Variants in MYO15A observed in about 807,000 individuals in gnomAD.
MYO15A encodes the protein myosin XVA.
In MYO15A, 308 loss-of-function variants were observed where a neutral mutation model predicts 394.6. The ratio of observed to expected loss-of-function variants is 0.78; its 90% CI spans 0.71 to 0.86. The LOEUF is 0.86. Ranked by LOEUF, MYO15A falls within the 40% of genes least tolerant of loss-of-function variation. The probability of loss-of-function intolerance (pLI) is 0.00; values close to 1 mark genes in which losing one functional copy is unlikely to be tolerated. For synonymous variants in MYO15A, 1,957 were observed against 2,003.8 expected (o/e 0.98, Z 0.62); for missense variants, 4,606 against 4,799.1 (o/e 0.96, Z 1.19).
chr17:18,166,456 C>T lies in MYO15A; in HGVS notation c.9883C>T (p.Arg3295Cys), dbSNP rs775389608. The T allele has an allele frequency of 3.1e-6, 5 of 1,614,046 alleles. No homozygotes were observed. Among genetic ancestry groups the T allele is most frequent in the African/African-American group, 1.3e-5 (1 of 75,052 alleles). Residue 3295 changes from arginine (R) to cysteine (C), a missense_variant, in exon 61 of 66, where the codon CGT becomes TGT. Around this residue, in one of 2 missense-constraint regions of MYO15A, gnomAD observed 2,776 missense variants for 3,109.3 expected, o/e 0.89. Transcript: ENST00000647165. The stretch of plus-strand genomic sequence containing the variant: ...CGGCGGCTACATGCTCTGGTTCCGG[C>T]GTGTGCTCTGGGATCAGCCACTCAA... ...VDGGYMLWFR[R>C]VLWDQPLKFE...
At chr17:18,162,042 A>G (rs2046784503) in intron 57 of MYO15A, among the ~76,000 whole-genome samples, 1 of 152,292 alleles carries the variant, frequency 6.6e-6, no homozygotes, top group Non-Finnish European at 1.5e-5. Context: ...CTCTGATTCA[A>G]TTAACAAACA....
Position 18,157,818 on chromosome 17 carries a change from A to G in MYO15A, c.8885A>G (p.Glu2962Gly). The G allele has an allele frequency of 1.9e-6, 3 of 1,596,600 alleles. No individual in the cohort carries two copies. The change falls in exon 51 of 66, where the codon GAG becomes GGG. Residue 2962 changes from glutamate (E) to glycine (G), a missense_variant. Glu to Gly is a moderately conservative substitution (Grantham distance 98). Coordinates refer to ENST00000647165, the MANE Select transcript of MYO15A (RefSeq NM_016239.4). ...CCCGACTTCCTGCAGCTGCCAACGG[A>G]GCCAGGCCGCGGCCGAGCAGCCGCC... ...AAPDFLQLPT[E>G]PGRGRAAAVA...
At position 18,120,297 on chromosome 17, in the gene MYO15A, C is replaced by T. The variant is rs905647383; in HGVS notation, c.1497C>T (p.Pro499=). ...AGAAGCTGGAGGTGCCCCTGCCACC[C>T]TCTCTGGACATTCCTCTCCCCTTGG... ...GKEKLEVPLP[P]SLDIPLPLGD... is the part of the protein sequence containing the mutation. Residue 499 remains proline, a synonymous_variant, in exon 2 of 66, where the codon CCC becomes CCT. Transcript: ENST00000647165. 2 of 1,611,966 alleles carry T rather than the reference C, an allele frequency of 1.2e-6. No individual in the cohort carries two copies. Among genetic ancestry groups the T allele is most frequent in the Non-Finnish European group, 1.7e-6 (2 of 1,179,940 alleles).
In MYO15A at chr17:18,154,648, T is replaced by C. The variant is rs772788251; in HGVS notation, c.8149-32T>C. ...CTGGGTCCCAGCTGGGGGAGTCCCA[T>C]GTGCTGCCTGCATCACAGCCTGTTC... is the stretch of plus-strand genomic sequence containing the variant. On this transcript the variant is annotated intron_variant, in intron 44 of 65. Coordinates refer to ENST00000647165, the MANE Select transcript of MYO15A (RefSeq NM_016239.4). The C allele has an allele frequency of 6.2e-6, 10 of 1,610,242 alleles. No individual in the cohort carries two copies. In the Admixed American group the frequency reaches 6.7e-5, roughly 11 times the overall value.
In MYO15A at chr17:18,121,355, G is replaced by A; in HGVS notation, c.2555G>A (p.Gly852Glu). The A allele has an allele frequency of 1.4e-6, 2 of 1,462,748 alleles. No individual in the cohort carries two copies. The highest frequency in any genetic ancestry group is 1.8e-6 in the Non-Finnish European group (2 of 1,114,066). The allele number at this position is 1,462,748 out of a possible 1,614,324, so 90.6% of individuals were successfully genotyped here. The change falls in exon 2 of 66, where the codon GGG (glycine) becomes GAG (glutamate). Residue 852 changes from glycine to glutamate, a missense_variant. Coordinates refer to ENST00000647165, the MANE Select transcript of MYO15A (RefSeq NM_016239.4). This position sits in a 1 kb window ranked among gnomAD's most constrained non-coding sequence, Gnocchi z 5.3. ...CCCAGGCCGCCCTCGCCGCCCCTGG[G>A]GCTCTGCCACAGCCCGCGGCGCAGC... ...GSPRPPSPPLGLCHSPRRSSL... is the reference protein window; with the variant it reads ...GSPRPPSPPLELCHSPRRSSL...
chr17:18,153,739 G>A lies in MYO15A; in HGVS notation c.7967-36G>A. On this transcript the variant is annotated intron_variant, in intron 42 of 65. Coordinates refer to ENST00000647165, the MANE Select transcript of MYO15A (RefSeq NM_016239.4). The surrounding 1 kb of genome is among the most constrained non-coding windows in gnomAD (Gnocchi z 4.1). ...TATTAATTAAATAAAAAAACGAGGT[G>A]CCTTCTCCTGACTCCCTGATCCCCG... The A allele has an allele frequency of 6.2e-7, 1 of 1,609,786 alleles. No individual in the cohort carries two copies.
In MYO15A at chr17:18,132,421, C is replaced by T. The variant is rs2046183741; in HGVS notation, c.4207-32C>T. The T allele has an allele frequency of 2.5e-6, 4 of 1,579,262 alleles. No individual in the cohort carries two copies. Among genetic ancestry groups the T allele is most frequent in the Non-Finnish European group, 3.5e-6 (4 of 1,149,130 alleles). ...CTGGGGGTCACCTAGGTAGGTGGCT[C>T]CCTTCTCTGTGCCCACCTACCCACT... On this transcript the variant is annotated intron_variant, in intron 10 of 65. Transcript: ENST00000647165. The surrounding 1 kb of genome is among the most constrained non-coding windows in gnomAD (Gnocchi z 4.6).
Position 18,126,727 on chromosome 17 carries a change from C to T in MYO15A, c.3867-64C>T, listed in dbSNP as rs1212985284. The T allele has an allele frequency of 2.6e-6, 4 of 1,553,584 alleles. No homozygotes were observed. The African/African-American group carries it at 4.1e-5, about 16-fold the overall frequency. ...TTTGGCTGGATACGGATGCTCCCTG[C>T]CCAATCCCTGGGAGGTGTGGGAGCT... On this transcript the variant is annotated intron_variant, in intron 5 of 65. Coordinates refer to ENST00000647165, the MANE Select transcript of MYO15A (RefSeq NM_016239.4).
At chr17:18,161,558 G>A (rs2046778117) in intron 57 of MYO15A, 111 bp downstream of exon 57, 4 of 1,487,554 alleles carry the variant, frequency 2.7e-6, no homozygotes, top group South Asian at 1.1e-5. Flanking sequence ...CAGGTGCTGA[G>A]CAATGTTTAC....
At chr17:18,163,633 G>A in intron 59 of MYO15A, 109 bp from the exon 60 acceptor site, 1 of 1,016,722 alleles carries the variant, frequency 9.8e-7, no homozygotes. Flanking sequence ...GCGCCTTTGT[G>A]AAGAGGGCTG....
At chr17:18,174,571 A>T (rs1232003962) in intron 65 of MYO15A, among the ~76,000 whole-genome samples, 1 of 152,158 alleles carries the variant, frequency 6.6e-6, no homozygotes, top group Non-Finnish European at 1.5e-5. Context: ...GATGGTGCCA[A>T]TGCACTCCAG....
chr17:18,154,542 A>C, intron 44 of MYO15A, 138 bp from the exon 45 acceptor site: 1 of 877,682 alleles, frequency 1.1e-6, no homozygotes, highest in South Asian at 1.4e-5. Flanking sequence ...TGATTTACAC[A>C]GATGACCCAG....
rs1384911287 is a variant in MYO15A at position 18,135,758 on chromosome 17, G to C, written c.4530G>C (p.Gln1510His). The change falls in exon 13 of 66, where the codon CAG becomes CAC. Residue 1510 changes from glutamine (Q) to histidine (H), a missense_variant. By Grantham distance (24) the Gln-to-His change is conservative. Coordinates refer to ENST00000647165, the MANE Select transcript of MYO15A (RefSeq NM_016239.4). The part of the protein sequence containing the change: ...VASVVSAREI[Q>H]AVAELLQISP... ...CAGTGGTGAGTGCCCGAGAGATCCA[G>C]GCCGTGGCAGAGCTGCTGCAGATCT... The C allele has an allele frequency of 2.5e-6, 4 of 1,614,070 alleles. No individual in the cohort carries two copies. Among genetic ancestry groups the C allele is most frequent in the Non-Finnish European group, 3.4e-6 (4 of 1,180,044 alleles).
At position 18,174,054 on chromosome 17, in the gene MYO15A, A is replaced by G. The variant is rs2046980370; in HGVS notation, c.10491+133A>G. ...CATGGGACAGAACCAACCACAGCAC[A>G]GCACGGAACTGCAGATCATTATGGG... On this transcript the variant is annotated intron_variant, in intron 65 of 65. Transcript: ENST00000647165. 3.1e-6 allele frequency: 4 copies of G among 1,276,480 alleles called. No homozygotes were observed. In the Admixed American group the frequency reaches 1.0e-4, roughly 32 times the overall value. 79.1% of individuals were successfully genotyped at this position (1,276,480 alleles called of 1,614,324 possible). A position where few individuals can be genotyped will look rare whatever the true frequency, so the allele number is the denominator to read the frequency against.
rs183834387 is a variant in MYO15A, at chr17:18,151,405, C to T, written c.7665C>T (p.Ser2555=). ...GCCCCTTGCCCACAGCTTCACCCTC[C>T]CCAGAGCTGGTCCGGTACTCTACGC... is the stretch of plus-strand genomic sequence containing the variant. ...DQASPETTSP[S]PELVRYSTLN... The change falls in exon 40 of 66, where the codon TCC becomes TCT. Residue 2555 remains serine (S), a synonymous_variant. Coordinates refer to ENST00000647165, the MANE Select transcript of MYO15A (RefSeq NM_016239.4). 8.0e-5 allele frequency: 129 copies of T among 1,614,214 alleles called. 1 individual carries two copies. In the Admixed American group the frequency reaches 1.7e-3, roughly 22 times the overall value.
rs2046193254 is a variant in MYO15A at position 18,132,845 on chromosome 17, C to T, written c.4320+279C>T. ...TTCTACACTTCCCCTCTCTGTGCCTCAGTTTCCTCACCTGTAAAATGGGGA... is the reference window on the plus strand; with the variant it reads ...TTCTACACTTCCCCTCTCTGTGCCTTAGTTTCCTCACCTGTAAAATGGGGA... On this transcript the variant is annotated intron_variant, in intron 11 of 65. Coordinates refer to ENST00000647165, the MANE Select transcript of MYO15A (RefSeq NM_016239.4). This position sits in a 1 kb window ranked among gnomAD's most constrained non-coding sequence, Gnocchi z 4.6. 6.6e-6 allele frequency among the ~76,000 whole-genome samples: 1 copy of T among 152,232 alleles called. No individual in the cohort carries two copies. Among genetic ancestry groups the T allele is most frequent in the African/African-American group, 2.4e-5 (1 of 41,468 alleles).
Position 18,158,539 on chromosome 17 carries a change from C to T in MYO15A, c.8984C>T (p.Ala2995Val), listed in dbSNP as rs2046723672. The T allele has an allele frequency of 6.2e-7, 1 of 1,614,176 alleles. No individual in the cohort carries two copies. Residue 2995 changes from alanine to valine, a missense_variant, in exon 52 of 66, where the codon GCC becomes GTC. Physicochemically the swap from Ala to Val is moderately conservative, Grantham distance 64. Around this residue, in one of 2 missense-constraint regions of MYO15A, gnomAD observed 2,776 missense variants for 3,109.3 expected, o/e 0.89. Transcript: ENST00000647165. ...GRRREGPPVR[A>V]RSADHGEDAL... Reference sequence around the variant, plus strand: ...CTTCTGCAGGGTCCCCCAGTCAGGGCCCGCTCTGCTGACCATGGGGAGGAC... The same window carrying T: ...CTTCTGCAGGGTCCCCCAGTCAGGGTCCGCTCTGCTGACCATGGGGAGGAC...
At position 18,154,154 on chromosome 17, in the gene MYO15A, C is replaced by T. The variant is rs768308705; in HGVS notation, c.8112C>T (p.Tyr2704=). ...RKEVFYPKDS[Y]SHPVQLDLLF... ...AGGTGTTTTACCCCAAGGACAGCTA[C>T]AGCCATCCTGTGCAGCTTGACCTCC... Residue 2704 remains tyrosine, a synonymous_variant, in exon 44 of 66, where the codon TAC becomes TAT. Coordinates refer to ENST00000647165, the MANE Select transcript of MYO15A (RefSeq NM_016239.4). 3 of 1,614,100 alleles carry T rather than the reference C, an allele frequency of 1.9e-6. No individual in the cohort carries two copies. In the South Asian group the frequency reaches 3.3e-5, roughly 18 times the overall value.
At chr17:18,141,545 A>T (rs925624262) in intron 22 of MYO15A, 108 bp from the exon 23 acceptor site, 24 of 1,046,334 alleles carry the variant, frequency 2.3e-5, no homozygotes, top group Non-Finnish European at 3.5e-5. Flanking sequence ...TGGAGCCACC[A>T]CTGGGACCAG....
Sources: allele counts gnomAD v4.1 joint callset (sites outside exome capture counted in the v4.1 genomes callset), GRCh38; gene constraint gnomAD v4.1.1; regional missense constraint gnomAD v4.1.1; non-coding constraint Gnocchi (gnomAD v3.1); transcripts MANE v1.5; gene names NCBI Gene and HGNC (gene_info 2026-07-23, HGNC 2026-07-21).